CAMTA1: variants seen among roughly 807,000 people sequenced by gnomAD.
CAMTA1 encodes the protein calmodulin-binding transcription activator 1.
CAMTA1 carries 27 observed loss-of-function variants against 170.9 expected under a neutral mutation model. The observed-to-expected ratio is 0.16, with a 90% CI of 0.12 to 0.22. The LOEUF (loss-of-function observed/expected upper bound fraction) is 0.22, where lower values mean the gene tolerates loss of function less well. Ranked by LOEUF, CAMTA1 falls within the 10% of genes least tolerant of loss-of-function variation. The pLI, the probability that CAMTA1 is intolerant of heterozygous loss-of-function variation, is 1.00. For missense variants in CAMTA1, 1,619 were observed against 2,217.2 expected, an observed-to-expected ratio of 0.73 and a Z score of 5.42; for synonymous variants, 833 against 891.5, an observed-to-expected ratio of 0.93 and a Z score of 1.17.
intron 3 of CAMTA1, among the ~76,000 whole-genome samples, chr1:6,935,853 C>T (rs965375269): frequency 2.0e-5 from 3 of 152,106 alleles, no homozygotes; most frequent in Admixed American, 6.6e-5. Flanking sequence ...CCTGGTGGAC[C>T]GTCTCCTTCA....
chr1:7,656,030 G>A (rs576241932), intron 7 of CAMTA1, among the ~76,000 whole-genome samples: 1 of 152,234 alleles, frequency 6.6e-6, no homozygotes, highest in Non-Finnish European at 1.5e-5. Context: ...CTTTTTCTTC[G>A]CCCTTCCACC....
At chr1:7,210,026 T>C (rs1658475802) in intron 4 of CAMTA1, among the ~76,000 whole-genome samples, 1 of 152,230 alleles carries the variant, frequency 6.6e-6, no homozygotes, top group Non-Finnish European at 1.5e-5. Context: ...CTTCAATGTG[T>C]ATATCCTGAG....
intron 4 of CAMTA1, among the ~76,000 whole-genome samples, chr1:7,151,946 G>C (rs1243928267): frequency 6.6e-6 from 1 of 152,088 alleles, no homozygotes; most frequent in African/African-American, 2.4e-5. Context: ...ACAGATTGCT[G>C]TCTTTATAAT....
chr1:6,788,099 T>C (rs1210629543), intron 1 of CAMTA1, among the ~76,000 whole-genome samples: 1 of 152,192 alleles, frequency 6.6e-6, no homozygotes, highest in East Asian at 1.9e-4. Flanking sequence ...TTCTTTTCTC[T>C]TGGACAGGGG....
intron 6 of CAMTA1, among the ~76,000 whole-genome samples, chr1:7,536,911 A>G (rs2094555882): frequency 6.6e-6 from 1 of 152,048 alleles, no homozygotes; most frequent in Non-Finnish European, 1.5e-5. Flanking sequence ...TCCTGCCCCC[A>G]TTGATCTCTC....
At chr1:6,826,136 T>G (rs1426900794) in intron 3 of CAMTA1, among the ~76,000 whole-genome samples, 1 of 152,206 alleles carries the variant, frequency 6.6e-6, no homozygotes, top group Admixed American at 6.5e-5. Context: ...TTTTAAAGAT[T>G]CTTTGGCGCT....
chr1:7,408,185 G>C (rs2090437940), intron 5 of CAMTA1, among the ~76,000 whole-genome samples: 1 of 105,556 alleles, frequency 9.5e-6, no homozygotes, highest in Non-Finnish European at 1.9e-5. Flanking sequence ...AGTGGCTCAG[G>C]GGGAAATCGG....
At chr1:6,879,093 T>G (rs150348653) in intron 3 of CAMTA1, among the ~76,000 whole-genome samples, 6 of 152,300 alleles carry the variant, frequency 3.9e-5, no homozygotes, top group Admixed American at 3.9e-4. Context: ...GAAGTAGAGT[T>G]TCCGCTTGAA....
At chr1:6,785,799 C>T (rs1200180189) in intron 1 of CAMTA1, among the ~76,000 whole-genome samples, 1 of 134,424 alleles carries the variant, frequency 7.4e-6, no homozygotes, top group Admixed American at 7.1e-5. Context: ...CCCCACACCC[C>T]ACCCCCGGGG....
At chr1:7,371,534 A>G (rs1245423531) in intron 5 of CAMTA1, among the ~76,000 whole-genome samples, 1 of 152,204 alleles carries the variant, frequency 6.6e-6, no homozygotes, top group Non-Finnish European at 1.5e-5. Flanking sequence ...TGCCGGGATT[A>G]CAGGCATGAG....
intron 1 of CAMTA1, among the ~76,000 whole-genome samples, chr1:6,812,477 G>A (rs1448449253): frequency 1.3e-5 from 2 of 152,120 alleles, no homozygotes; most frequent in Non-Finnish European, 2.9e-5. Context: ...CTCTCTCTGA[G>A]GAGTTAAACA....
chr1:7,530,223 A>G (rs1489632660), intron 6 of CAMTA1, among the ~76,000 whole-genome samples: 2 of 152,242 alleles, frequency 1.3e-5, no homozygotes, highest in East Asian at 1.9e-4. Flanking sequence ...CTCAGGCTAC[A>G]GCTGGCCCCA....
intron 1 of CAMTA1, among the ~76,000 whole-genome samples, chr1:6,801,812 A>AT (rs1557578766): frequency 6.7e-6 from 1 of 149,764 alleles, no homozygotes; most frequent in Non-Finnish European, 1.5e-5. Context: ...AGAATCACAC[A>AT]TTAAAAAAAA....
At position 7,256,535 on chromosome 1, in the gene CAMTA1, G is replaced by T. The variant is rs1667395823; in HGVS notation, c.438+6909G>T. Among the ~76,000 whole-genome samples, 3 of 152,110 alleles carry T rather than the reference G, an allele frequency of 2.0e-5. No homozygotes were observed. The South Asian group carries it at 6.2e-4, about 32-fold the overall frequency. ...AGATCGCGCCACTGCACTCCAGCCT[G>T]GGCGACAGCGAGACTCCGTCTCAAA... is the stretch of plus-strand genomic sequence containing the variant. On this transcript the variant is annotated intron_variant, in intron 5 of 22. Coordinates refer to ENST00000303635, the MANE Select transcript of CAMTA1 (RefSeq NM_015215.4).
chr1:6,924,286 A>G (rs1682638132), intron 3 of CAMTA1, among the ~76,000 whole-genome samples: 1 of 152,098 alleles, frequency 6.6e-6, no homozygotes, highest in African/African-American at 2.4e-5. Flanking sequence ...AGAAAAACCA[A>G]ACTGCCAGGA....
intron 3 of CAMTA1, among the ~76,000 whole-genome samples, chr1:6,949,520 T>C (rs1688116588): frequency 1.3e-5 from 2 of 152,214 alleles, no homozygotes; most frequent in Admixed American, 6.5e-5. Flanking sequence ...GAACTCCGGC[T>C]GAGCGCTGAC....
intron 3 of CAMTA1, among the ~76,000 whole-genome samples, chr1:7,021,750 C>T (rs1365174751): frequency 1.3e-5 from 2 of 152,182 alleles, no homozygotes; most frequent in Non-Finnish European, 2.9e-5. Context: ...ATCCCCCACT[C>T]ATTTTGAGTA....
intron 3 of CAMTA1, among the ~76,000 whole-genome samples, chr1:6,890,450 G>C (rs114788273): frequency 1.3e-3 from 195 of 152,310 alleles, no homozygotes; most frequent in African/African-American, 4.5e-3. Flanking sequence ...TTGAGTGACT[G>C]ACTGGCACAG....
At chr1:7,314,368 A>G (rs1179455447) in intron 5 of CAMTA1, among the ~76,000 whole-genome samples, 3 of 152,224 alleles carry the variant, frequency 2.0e-5, no homozygotes, top group African/African-American at 4.8e-5. Context: ...GAAGGGGTCC[A>G]GGGAGGGCCT....
Sources: gnomAD v4.1 joint callset for allele counts (sites outside exome capture counted in the v4.1 genomes callset) on GRCh38, gnomAD v4.1.1 for gene constraint, MANE v1.5 for transcripts, NCBI Gene and HGNC (gene_info 2026-07-23, HGNC 2026-07-21) for gene names.